OXA1L: variants seen among roughly 807,000 people sequenced by gnomAD.
OXA1L encodes OXA1L mitochondrial inner membrane insertase.
Under a neutral mutation model 52.2 loss-of-function variants are expected in OXA1L, and 42 were observed. That is an observed-to-expected ratio of 0.80 (90% CI 0.63 to 1.04). OXA1L has a LOEUF of 1.04. Among genes scored for constraint, OXA1L ranks in the 50% least tolerant of loss-of-function variants. The pLI is 0.00. For synonymous variants in OXA1L, 239 were observed against 201.9 expected (o/e 1.18, Z -1.56); for missense variants, 572 against 555.0 (o/e 1.03, Z -0.31).
Position 22,768,091 on chromosome 14 carries a change from C to T in OXA1L, c.359C>T (p.Thr120Ile), listed in dbSNP as rs961339503. Residue 120 changes from threonine to isoleucine, a missense_variant, in exon 3 of 10, where the codon ACC (threonine) becomes ATC (isoleucine). Transcript: ENST00000612549. ...GCTGAACTGGGGCTGGGGTCATACA[C>T]CCCAGTGGGACTGATCCAGAATTTA... ...SFAELGLGSYTPVGLIQNLLE... is the reference protein window; with the variant it reads ...SFAELGLGSYIPVGLIQNLLE... 4.3e-6 allele frequency: 7 copies of T among 1,614,020 alleles called. No homozygotes were observed. In the African/African-American group the frequency reaches 9.3e-5, roughly 22 times the overall value.
rs185527603 is a variant in OXA1L at position 22,772,472 on chromosome 14, G to T, written c.*914G>T. On this transcript the variant is annotated 3_prime_UTR_variant, in exon 10 of 10. Transcript: ENST00000612549. ...CCACTGCACTCCAGCCTGGGCAAGA[G>T]AGTGAGACTCCTTCTCAAAAAAAAA... The T allele has an allele frequency of 8.7e-6, 1 of 114,690 alleles. No individual in the cohort carries two copies. The highest frequency in any genetic ancestry group is 2.9e-4 in the East Asian group (1 of 3,494). 7.1% of individuals were successfully genotyped at this position (114,690 alleles called of 1,614,324 possible).
At position 22,770,233 on chromosome 14, in the gene OXA1L, A is replaced by G; in HGVS notation, c.624A>G (p.Lys208=). ...CGGAGATGGCACTTTACCAGAAAAA[A>G]CATGGTATTAAACTCTATAAACCTC... ...ASSEMALYQK[K]HGIKLYKPLI... Residue 208 remains lysine, a synonymous_variant, in exon 5 of 10, where the codon AAA becomes AAG. Transcript: ENST00000612549. 1 of 1,612,660 alleles carries G rather than the reference A, an allele frequency of 6.2e-7. No homozygotes were observed. Among genetic ancestry groups the G allele is most frequent in the Non-Finnish European group, 8.5e-7 (1 of 1,178,736 alleles).
intron 1 of OXA1L, 174 bp downstream of exon 1, chr14:22,766,938 C>G (rs1412876637): frequency 6.6e-7 from 1 of 1,514,070 alleles, no homozygotes; most frequent in African/African-American, 1.4e-5. Context: ...ACTATGGGCC[C>G]AGCAGCCCGG....
Position 22,767,250 on chromosome 14 carries a change from C to T in OXA1L, c.66C>T (p.Val22=), listed in dbSNP as rs994074694. 3 of 1,607,948 alleles carry T rather than the reference C, an allele frequency of 1.9e-6. No homozygotes were observed. Among genetic ancestry groups the T allele is most frequent in the African/African-American group, 1.3e-5 (1 of 74,738 alleles). ...LLRLLQSGRR[V]HSVAGPSQWL... ...CCATCATCCTTTTACACGCTCAGGT[C>T]CACAGCGTCGCAGGGCCCTCGCAAT... Residue 22 remains valine (V), a splice_region_variant and synonymous_variant, in exon 2 of 10, where the codon GTC becomes GTT. Coordinates refer to ENST00000612549, the MANE Select transcript of OXA1L (RefSeq NM_005015.5).
intron 3 of OXA1L, 140 bp downstream of exon 3, chr14:22,768,311 T>C (rs1043241409): frequency 4.3e-5 from 28 of 651,372 alleles, no homozygotes; most frequent in Non-Finnish European, 7.5e-5. Flanking sequence ...AGGTTCATGA[T>C]ACCTAGATGC....
chr14:22,767,128 C>A, intron 1 of OXA1L, 120 bp from the exon 2 acceptor site: 1 of 1,536,500 alleles, frequency 6.5e-7, no homozygotes, highest in East Asian at 2.4e-5. Flanking sequence ...TAGCAATGTC[C>A]TCCCCTGTAG....
At position 22,771,749 on chromosome 14, in the gene OXA1L, T is replaced by G; in HGVS notation, c.*191T>G. 1.6e-6 allele frequency: 1 copy of G among 626,548 alleles called. No homozygotes were observed. Among genetic ancestry groups the G allele is most frequent in the Admixed American group, 2.8e-5 (1 of 35,244 alleles). 38.8% of individuals were successfully genotyped at this position (626,548 alleles called of 1,614,324 possible). On this transcript the variant is annotated 3_prime_UTR_variant, in exon 10 of 10. Transcript: ENST00000612549. ...GAGAGCACTGGGTAGCCAAGTGATC[T>G]TCCCATTCACAGAGTTAGTAAACCT...
At chr14:22,770,156 C>A in intron 4 of OXA1L, 37 bp from the exon 5 acceptor site, 1 of 1,477,426 alleles carries the variant, frequency 6.8e-7, no homozygotes, top group Non-Finnish European at 9.5e-7. Context: ...ACTGATGTAA[C>A]TGTTACCCCA....
chr14:22,771,567 C>T lies in OXA1L; in HGVS notation c.*9C>T, dbSNP rs770963085. On this transcript the variant is annotated 3_prime_UTR_variant, in exon 10 of 10. Coordinates refer to ENST00000612549, the MANE Select transcript of OXA1L (RefSeq NM_005015.5). The stretch of plus-strand genomic sequence containing the variant: ...ACGACACACTTGGCTGACTTATGTT[C>T]TGTGCGCATTCTGGCAGGAATTCTG... 3 of 1,614,088 alleles carry T rather than the reference C, an allele frequency of 1.9e-6. No individual in the cohort carries two copies. The South Asian group carries it at 3.3e-5, about 18-fold the overall frequency.
intron 3 of OXA1L, 154 bp downstream of exon 3, chr14:22,768,325 C>G (rs1261954722): frequency 1.6e-6 from 1 of 624,650 alleles, no homozygotes; most frequent in Non-Finnish European, 2.9e-6. Flanking sequence ...TAGATGCACT[C>G]TGCCTATATT....
At chr14:22,767,011 T>A in intron 1 of OXA1L, 1 of 1,535,486 alleles carries the variant, frequency 6.5e-7, no homozygotes, top group Non-Finnish European at 8.7e-7. Context: ...CTCAGGGCCC[T>A]CCGATGTGGG....
In OXA1L at chr14:22,771,418, T is replaced by C. The variant is rs1163912165; in HGVS notation, c.1184-16T>C. ...TTCTGTTCTTCGTTGAAATTTGTTT[T>C]CTCTTCTCCCCTCAGGTCCTTTACG... On this transcript the variant is annotated splice_polypyrimidine_tract_variant and intron_variant, in intron 9 of 9. Coordinates refer to ENST00000612549, the MANE Select transcript of OXA1L (RefSeq NM_005015.5). 6.2e-7 allele frequency: 1 copy of C among 1,613,930 alleles called. No homozygotes were observed. Among genetic ancestry groups the C allele is most frequent in the Non-Finnish European group, 8.5e-7 (1 of 1,179,922 alleles).
Position 22,771,879 on chromosome 14 carries a change from C to T in OXA1L, c.*321C>T. ...TTTTGGGAGGCCGAGGTGGGTGGAT[C>T]ACCTGAGATCAGGAGTTTGAGACCA... On this transcript the variant is annotated 3_prime_UTR_variant, in exon 10 of 10. Coordinates refer to ENST00000612549, the MANE Select transcript of OXA1L (RefSeq NM_005015.5). 1 of 255,840 alleles carries T rather than the reference C, an allele frequency of 3.9e-6. No individual in the cohort carries two copies. The highest frequency in any genetic ancestry group is 5.9e-5 in the South Asian group (1 of 16,864). 15.8% of individuals were successfully genotyped at this position (255,840 alleles called of 1,614,324 possible). A position where few individuals can be genotyped will look rare whatever the true frequency, so the allele number is the denominator to read the frequency against.
At chr14:22,766,995 C>G (rs771861483) in intron 1 of OXA1L, 8 of 1,533,194 alleles carry the variant, frequency 5.2e-6, no homozygotes, top group Non-Finnish European at 7.0e-6. Context: ...GCACCTCGGC[C>G]TCGTTCTCAG....
At chr14:22,767,066 C>CG (rs1370369121) in intron 1 of OXA1L, 182 bp from the exon 2 acceptor site, 1 of 1,536,358 alleles carries the variant, frequency 6.5e-7, no homozygotes, top group African/African-American at 1.4e-5. Context: ...GAGCTTCGCT[C>CG]TGCAGGCACC....
Position 22,767,409 on chromosome 14 carries a change from G to A in OXA1L, c.225G>A (p.Gln75=). Residue 75 remains glutamine, a splice_region_variant and synonymous_variant, in exon 2 of 10, where the codon CAG becomes CAA. Transcript: ENST00000612549. ...CTGCTATCTCTTTTGCAGAAGTCCA[G>A]GTAAGAGGCCTTTCGTTCCTGCAAT... ...STSAISFAEV[Q]VQAPPVVAAT... 6 of 1,592,802 alleles carry A rather than the reference G, an allele frequency of 3.8e-6. No individual in the cohort carries two copies. The highest frequency in any genetic ancestry group is 5.1e-6 in the Non-Finnish European group (6 of 1,172,684).
rs1460347695 is a variant in OXA1L at position 22,766,997 on chromosome 14, CG to C, written c.63+234del. On this transcript the variant is annotated intron_variant, in intron 1 of 9. Coordinates refer to ENST00000612549, the MANE Select transcript of OXA1L (RefSeq NM_005015.5). Reference sequence around the variant, plus strand: ...GCTCCTGGCGAGAGCACCTCGGCCTCGTTCTCAGGGCCCTCCGATGTGGGTC... The same window carrying C: ...GCTCCTGGCGAGAGCACCTCGGCCTCTTCTCAGGGCCCTCCGATGTGGGTC... The C allele has an allele frequency of 9.8e-6, 15 of 1,533,684 alleles. No individual in the cohort carries two copies. The East Asian group carries it at 3.4e-4, about 35-fold the overall frequency.
In OXA1L at chr14:22,772,468, A is replaced by C. The variant is rs1443743550; in HGVS notation, c.*910A>C. ...TGCGCCACTGCACTCCAGCCTGGGCAAGAGAGTGAGACTCCTTCTCAAAAA... is the reference window on the plus strand; with the variant it reads ...TGCGCCACTGCACTCCAGCCTGGGCCAGAGAGTGAGACTCCTTCTCAAAAA... On this transcript the variant is annotated 3_prime_UTR_variant, in exon 10 of 10. Coordinates refer to ENST00000612549, the MANE Select transcript of OXA1L (RefSeq NM_005015.5). 7.7e-6 allele frequency: 1 copy of C among 129,302 alleles called. No homozygotes were observed. The highest frequency in any genetic ancestry group is 8.8e-5 in the Admixed American group (1 of 11,314). The allele number at this position is 129,302 out of a possible 1,614,324, so 8.0% of individuals were successfully genotyped here.
intron 3 of OXA1L, among the ~76,000 whole-genome samples, chr14:22,769,356 C>T (rs969108797): frequency 2.6e-5 from 4 of 152,184 alleles, no homozygotes; most frequent in African/African-American, 7.2e-5. Flanking sequence ...TCTCCAGTTC[C>T]ATCCACGTTG....
Sources: allele counts gnomAD v4.1 joint callset (sites outside exome capture counted in the v4.1 genomes callset), GRCh38; gene constraint gnomAD v4.1.1; transcripts MANE v1.5; gene names NCBI Gene and HGNC (gene_info 2026-07-23, HGNC 2026-07-21).